UNC119B: variants seen among roughly 807,000 people sequenced by gnomAD.
UNC119B encodes protein unc-119 homolog B.
Under a neutral mutation model 23.4 loss-of-function variants are expected in UNC119B, and 16 were observed. The observed-to-expected ratio is 0.68, with a 90% CI of 0.46 to 1.04. UNC119B has a LOEUF of 1.04. Among genes scored for constraint, UNC119B ranks in the 50% least tolerant of loss-of-function variants. The pLI is 0.00. For missense variants in UNC119B, 350 were observed against 361.3 expected, an observed-to-expected ratio of 0.97 and a Z score of 0.25; for synonymous variants, 144 against 145.4, an observed-to-expected ratio of 0.99 and a Z score of 0.07.
Position 120,722,334 on chromosome 12 carries a change from G to A in UNC119B, c.*2302G>A, listed in dbSNP as rs548983767. On this transcript the variant is annotated 3_prime_UTR_variant, in exon 5 of 5. Coordinates refer to ENST00000344651, the MANE Select transcript of UNC119B (RefSeq NM_001080533.3). ...TCTGAAAGTCTGGTGTTCTGTATCT[G>A]GGGCTGTGGGTTCCTGTGTCTAGCT... The A allele has an allele frequency of 2.0e-5, 3 of 152,594 alleles. No homozygotes were observed. The highest frequency in any genetic ancestry group is 6.5e-5 in the Admixed American group (1 of 15,290). The allele number at this position is 152,594 out of a possible 1,614,324, so 9.5% of individuals were successfully genotyped here.
At position 120,713,706 on chromosome 12, in the gene UNC119B, C is replaced by T. The variant is rs541793671; in HGVS notation, c.358+319C>T. On this transcript the variant is annotated intron_variant, in intron 2 of 4. Coordinates refer to ENST00000344651, the MANE Select transcript of UNC119B (RefSeq NM_001080533.3). ...GGATCTGAGGCCTACAATTCCCAGG[C>T]GGCTCTTTCCTAAGGCCCTGTGCTG... Among the ~76,000 whole-genome samples, 10 of 152,182 alleles carry T rather than the reference C, an allele frequency of 6.6e-5. No individual in the cohort carries two copies. In the South Asian group the frequency reaches 1.9e-3, roughly 28 times the overall value.
At position 120,710,460 on chromosome 12, in the gene UNC119B, C is replaced by T. The variant is rs1273447337; in HGVS notation, c.-15C>T. 5 of 1,286,240 alleles carry T rather than the reference C, an allele frequency of 3.9e-6. No homozygotes were observed. Among genetic ancestry groups the T allele is most frequent in the Non-Finnish European group, 4.9e-6 (5 of 1,018,040 alleles). The allele number at this position is 1,286,240 out of a possible 1,614,324, so 79.7% of individuals were successfully genotyped here. On this transcript the variant is annotated 5_prime_UTR_variant, in exon 1 of 5. Transcript: ENST00000344651. ...ACCGCGCTGTGGAGGCGGCGGCCATCTTGGCGGCGGAGCGATGAGCGGGTC... is the reference window on the plus strand; with the variant it reads ...ACCGCGCTGTGGAGGCGGCGGCCATTTTGGCGGCGGAGCGATGAGCGGGTC...
intron 1 of UNC119B, 112 bp downstream of exon 1, chr12:120,710,830 C>T (rs895236362): frequency 1.8e-6 from 2 of 1,092,626 alleles, no homozygotes; most frequent in South Asian, 4.6e-5. Flanking sequence ...CCCCCTCGGC[C>T]GGCCGGGCCG....
At position 120,723,356 on chromosome 12, in the gene UNC119B, C is replaced by T. The variant is rs536036417; in HGVS notation, c.*3324C>T. ...TCACATTCCATGTCACAGAACATAT[C>T]AGCCTCAAGAAGGATTTGGTGGAGG... is the stretch of plus-strand genomic sequence containing the variant. On this transcript the variant is annotated 3_prime_UTR_variant, in exon 5 of 5. Transcript: ENST00000344651. The T allele has an allele frequency of 2.0e-5, 3 of 153,510 alleles. No homozygotes were observed. In the South Asian group the frequency reaches 6.2e-4, roughly 32 times the overall value. The allele number at this position is 153,510 out of a possible 1,614,324, so 9.5% of individuals were successfully genotyped here. A position where few individuals can be genotyped will look rare whatever the true frequency, so the allele number is the denominator to read the frequency against.
chr12:120,717,100 C>A, intron 4 of UNC119B, 58 bp downstream of exon 4: 1 of 1,496,748 alleles, frequency 6.7e-7, no homozygotes, highest in Non-Finnish European at 9.0e-7. Flanking sequence ...AGGAACAAAC[C>A]TTGAAACCCA....
At position 120,723,253 on chromosome 12, in the gene UNC119B, C is replaced by A. The variant is rs1386154824; in HGVS notation, c.*3221C>A. On this transcript the variant is annotated 3_prime_UTR_variant, in exon 5 of 5. Coordinates refer to ENST00000344651, the MANE Select transcript of UNC119B (RefSeq NM_001080533.3). ...AAATTCACAGGACTGACTCCTCACC[C>A]CAGTGCACGAGGATTCCTGTGGCAT... 1 of 154,632 alleles carries A rather than the reference C, an allele frequency of 6.5e-6. No individual in the cohort carries two copies. The highest frequency in any genetic ancestry group is 1.5e-5 in the Non-Finnish European group (1 of 68,220). 9.6% of individuals were successfully genotyped at this position (154,632 alleles called of 1,614,324 possible).
Position 120,723,491 on chromosome 12 carries a change from C to T in UNC119B, c.*3459C>T, listed in dbSNP as rs1407431536. 6.6e-6 allele frequency: 1 copy of T among 152,442 alleles called. No homozygotes were observed. The highest frequency in any genetic ancestry group is 1.5e-5 in the Non-Finnish European group (1 of 68,046). 9.4% of individuals were successfully genotyped at this position (152,442 alleles called of 1,614,324 possible). ...TACAGAATATAAGAAACATCAATGA[C>T]CTGATCTGTCCTTCCTCCTCCTTCC... On this transcript the variant is annotated 3_prime_UTR_variant, in exon 5 of 5. Transcript: ENST00000344651.
chr12:120,714,672 G>A (rs1301610090), intron 2 of UNC119B, among the ~76,000 whole-genome samples: 1 of 151,988 alleles, frequency 6.6e-6, no homozygotes, highest in African/African-American at 2.4e-5. Flanking sequence ...TAGCTTCCTG[G>A]GTCTGTGGTG....
At position 120,720,122 on chromosome 12, in the gene UNC119B, C is replaced by G; in HGVS notation, c.*90C>G. The G allele has an allele frequency of 1.0e-6, 1 of 988,146 alleles. No individual in the cohort carries two copies. The highest frequency in any genetic ancestry group is 1.5e-6 in the Non-Finnish European group (1 of 650,656). The allele number at this position is 988,146 out of a possible 1,614,324, so 61.2% of individuals were successfully genotyped here. ...ATCGAAGCTGCAGTTTGTCAACACA[C>G]ATCTGGAACCTGGCCCCAGGAAGCC... is the stretch of plus-strand genomic sequence containing the variant. On this transcript the variant is annotated 3_prime_UTR_variant, in exon 5 of 5. Transcript: ENST00000344651.
In UNC119B at chr12:120,719,925, C is replaced by CT; in HGVS notation, c.650dup (p.Met218AsnfsTer3). Reference sequence around the variant, plus strand: ...CCCCTTTGCCTGACTTGCAGTTCGTCTAATGATTGAAAATCCTTACGAGAC... The same window carrying CT: ...CCCCTTTGCCTGACTTGCAGTTCGTCTTAATGATTGAAAATCCTTACGAGAC... On this transcript the variant is annotated frameshift_variant, in exon 5 of 5. Transcript: ENST00000344651. LOFTEE classifies it high-confidence loss of function. 6.2e-7 allele frequency: 1 copy of CT among 1,613,004 alleles called. No individual in the cohort carries two copies. Among genetic ancestry groups the CT allele is most frequent in the Non-Finnish European group, 8.5e-7 (1 of 1,179,000 alleles).
chr12:120,712,539 C>G (rs571600459), intron 1 of UNC119B, among the ~76,000 whole-genome samples: 34 of 152,266 alleles, frequency 2.2e-4, no homozygotes, highest in Admixed American at 1.4e-3. Context: ...GATTTATCCT[C>G]TTGCCTGGAT....
chr12:120,716,900 T>G lies in UNC119B; in HGVS notation c.501T>G (p.Val167=). 6.2e-7 allele frequency: 1 copy of G among 1,612,706 alleles called. No individual in the cohort carries two copies. Among genetic ancestry groups the G allele is most frequent in the Non-Finnish European group, 8.5e-7 (1 of 1,179,150 alleles). ...AGTTCACAGTGGGAGACAAACCTGT[T>G]TCAAACTTCCGGATGATCGAACGGC... is the stretch of plus-strand genomic sequence containing the variant. ...TVEFTVGDKP[V]SNFRMIERHY... Residue 167 remains valine (V), a synonymous_variant, in exon 4 of 5, where the codon GTT becomes GTG. Transcript: ENST00000344651.
In UNC119B at chr12:120,717,051, C is replaced by T; in HGVS notation, c.643+9C>T. ...GCTTTCGGAGGATGTCAGTATGTAT[C>T]CCCTGACCCTTACAGCACTCTAGAT... On this transcript the variant is annotated intron_variant, in intron 4 of 4. Coordinates refer to ENST00000344651, the MANE Select transcript of UNC119B (RefSeq NM_001080533.3). The T allele has an allele frequency of 1.1e-5, 18 of 1,571,692 alleles. No homozygotes were observed. Among genetic ancestry groups the T allele is most frequent in the Non-Finnish European group, 1.6e-5 (18 of 1,158,166 alleles).
chr12:120,719,980 A>G lies in UNC119B; in HGVS notation c.704A>G (p.Asn235Ser), dbSNP rs1474104710. The G allele has an allele frequency of 4.3e-6, 7 of 1,614,212 alleles. No homozygotes were observed. The highest frequency in any genetic ancestry group is 5.9e-6 in the Non-Finnish European group (7 of 1,180,040). The change falls in exon 5 of 5, where the codon AAC becomes AGC. Residue 235 changes from asparagine to serine, a missense_variant. Physicochemically the swap from Asn to Ser is conservative, Grantham distance 46. Transcript: ENST00000344651. ...TRSDSFYFVD[N>S]KLIMHNKADY... ...TCTGACAGCTTCTACTTTGTTGACA[A>G]CAAGCTGATAATGCACAACAAGGCT...
chr12:120,716,590 T>A (rs779872389), intron 2 of UNC119B, 38 bp from the exon 3 acceptor site: 2 of 1,607,980 alleles, frequency 1.2e-6, no homozygotes, highest in East Asian at 4.5e-5. Context: ...ATTGAGAATG[T>A]CGAGATGGTG....
intron 4 of UNC119B, among the ~76,000 whole-genome samples, chr12:120,719,327 C>T (rs1211270843): frequency 6.6e-6 from 1 of 152,232 alleles, no homozygotes; most frequent in Non-Finnish European, 1.5e-5. Flanking sequence ...ACAAACAAGA[C>T]TTTACTTTAG....
chr12:120,710,493 A>G lies in UNC119B; in HGVS notation c.19A>G (p.Lys7Glu), dbSNP rs773150309. The change falls in exon 1 of 5, where the codon AAG (lysine) becomes GAG (glutamate). Residue 7 changes from lysine to glutamate, a missense_variant. Coordinates refer to ENST00000344651, the MANE Select transcript of UNC119B (RefSeq NM_001080533.3). MSGSNPKAAAAASAAGP... is the reference protein window; with the variant it reads MSGSNPEAAAAASAAGP... ...CGGAGCGATGAGCGGGTCTAACCCG[A>G]AGGCTGCGGCCGCGGCGTCGGCGGC... is the stretch of plus-strand genomic sequence containing the variant. 2 of 1,355,480 alleles carry G rather than the reference A, an allele frequency of 1.5e-6. No individual in the cohort carries two copies. Among genetic ancestry groups the G allele is most frequent in the African/African-American group, 1.5e-5 (1 of 65,646 alleles). 84.0% of individuals were successfully genotyped at this position (1,355,480 alleles called of 1,614,324 possible). A position where few individuals can be genotyped will look rare whatever the true frequency, so the allele number is the denominator to read the frequency against.
intron 2 of UNC119B, among the ~76,000 whole-genome samples, chr12:120,714,375 C>T (rs1198217767): frequency 1.3e-5 from 2 of 151,984 alleles, no homozygotes; most frequent in Non-Finnish European, 2.9e-5. Context: ...GGCTGGCGTG[C>T]AGTGGCACAA....
In UNC119B at chr12:120,716,894, A is replaced by G. The variant is rs148052068; in HGVS notation, c.495A>G (p.Lys165=). 4 of 1,612,258 alleles carry G rather than the reference A, an allele frequency of 2.5e-6. No homozygotes were observed. The South Asian group carries it at 4.4e-5, about 18-fold the overall frequency. ...GGGTGGAGTTCACAGTGGGAGACAA[A>G]CCTGTTTCAAACTTCCGGATGATCG... The part of the protein sequence containing the change: ...GATVEFTVGD[K]PVSNFRMIER... The change falls in exon 4 of 5, where the codon AAA becomes AAG. Residue 165 remains lysine (K), a synonymous_variant. Transcript: ENST00000344651.
Sources: allele counts gnomAD v4.1 joint callset (sites outside exome capture counted in the v4.1 genomes callset), GRCh38; gene constraint gnomAD v4.1.1; transcripts MANE v1.5; gene names NCBI Gene and HGNC (gene_info 2026-07-23, HGNC 2026-07-21).